The following PRKACB variants were observed in gnomAD, a reference collection of about 807,000 sequenced individuals.
PRKACB encodes cAMP-dependent protein kinase catalytic subunit beta.
PRKACB carries 16 observed loss-of-function variants against 51.4 expected under a neutral mutation model. That is an observed-to-expected ratio of 0.31 (90% CI 0.21 to 0.47). PRKACB has a LOEUF of 0.47. PRKACB is among the 20% of genes least tolerant of loss of function. PRKACB has a pLI of 1.00. For missense variants in PRKACB, 309 were observed against 464.5 expected (o/e 0.67, Z 3.08); for synonymous variants, 147 against 154.4 (o/e 0.95, Z 0.35).
intron 1 of PRKACB, among the ~76,000 whole-genome samples, chr1:84,106,884 A>G (rs990847520): frequency 2.0e-5 from 3 of 152,222 alleles, no homozygotes; most frequent in African/African-American, 7.2e-5. Context: ...CCAAAACAGC[A>G]TAGTACTGGT....
chr1:84,212,400 A>G (rs1672275214), intron 8 of PRKACB, among the ~76,000 whole-genome samples: 1 of 152,158 alleles, frequency 6.6e-6, no homozygotes, highest in Admixed American at 6.6e-5. Context: ...TATGAATTTA[A>G]CTTTACTATA....
chr1:84,135,043 A>C (rs973631964), intron 1 of PRKACB, among the ~76,000 whole-genome samples: 3 of 152,188 alleles, frequency 2.0e-5, no homozygotes, highest in African/African-American at 7.2e-5. Flanking sequence ...TTTAAATATA[A>C]AGAATAGGTA....
At chr1:84,184,255 C>A (rs1164152548) in intron 4 of PRKACB, 120 bp downstream of exon 4, 20 of 775,988 alleles carry the variant, frequency 2.6e-5, no homozygotes, top group Non-Finnish European at 3.6e-5. Flanking sequence ...AAAACGAATA[C>A]CTCTAGAGTT....
intron 8 of PRKACB, among the ~76,000 whole-genome samples, chr1:84,211,975 A>G (rs575543078): frequency 6.6e-6 from 1 of 152,286 alleles, no homozygotes; most frequent in South Asian, 2.1e-4. Flanking sequence ...GCTAATTTAT[A>G]TGAGTTGAGC....
chr1:84,143,179 C>T (rs1653593695), upstream of PRKACB, among the ~76,000 whole-genome samples: 1 of 152,146 alleles, frequency 6.6e-6, no homozygotes, highest in South Asian at 2.1e-4. Context: ...GGCGCGGTGG[C>T]TCACACTTGT....
chr1:84,222,430 T>A (rs1304520887), intron 9 of PRKACB, among the ~76,000 whole-genome samples: 1 of 152,222 alleles, frequency 6.6e-6, no homozygotes, highest in Non-Finnish European at 1.5e-5. Context: ...AAGTTATTAT[T>A]GATAGGTGAG....
chr1:84,115,836 C>T (rs541226036), intron 1 of PRKACB, among the ~76,000 whole-genome samples: 20 of 130,388 alleles, frequency 1.5e-4, no homozygotes, highest in Non-Finnish European at 2.8e-4. Context: ...GAGCCGAGAT[C>T]GTGCCATTGC....
intron 1 of PRKACB, among the ~76,000 whole-genome samples, chr1:84,123,042 G>A (rs781512663): frequency 2.6e-5 from 4 of 152,118 alleles, no homozygotes; most frequent in Non-Finnish European, 4.4e-5. Flanking sequence ...TCATCTAACC[G>A]TTCTGCCATG....
chr1:84,079,784 G>A (rs1406848115), intron 1 of PRKACB, among the ~76,000 whole-genome samples: 1 of 152,130 alleles, frequency 6.6e-6, no homozygotes, highest in African/African-American at 2.4e-5. Flanking sequence ...TCCTGCCTCA[G>A]CCTCCTGAGT....
chr1:84,104,353 T>C (rs1023137227), intron 1 of PRKACB, among the ~76,000 whole-genome samples: 3 of 152,138 alleles, frequency 2.0e-5, no homozygotes, highest in African/African-American at 7.2e-5. Context: ...TTTATATACA[T>C]ATATATACAC....
At chr1:84,198,948 CAT>C (rs1360861121) in intron 7 of PRKACB, among the ~76,000 whole-genome samples, 5 of 144,164 alleles carry the variant, frequency 3.5e-5, no homozygotes, top group East Asian at 2.0e-4. Flanking sequence ...TGTATATATA[CAT>C]ATATATTCAT....
chr1:84,119,150 A>G (rs1374578654), intron 1 of PRKACB, among the ~76,000 whole-genome samples: 1 of 152,102 alleles, frequency 6.6e-6, no homozygotes, highest in Non-Finnish European at 1.5e-5. Flanking sequence ...TACAGTATGA[A>G]TATGATTTTT....
At chr1:84,085,518 A>T (rs566608745) in intron 1 of PRKACB, among the ~76,000 whole-genome samples, 1 of 152,232 alleles carries the variant, frequency 6.6e-6, no homozygotes, top group African/African-American at 2.4e-5. Context: ...AAAAGAAAAA[A>T]TACACAGGAA....
At chr1:84,161,356 A>C (rs934994255) in intron 1 of PRKACB, among the ~76,000 whole-genome samples, 1 of 151,854 alleles carries the variant, frequency 6.6e-6, no homozygotes, top group Non-Finnish European at 1.5e-5. Flanking sequence ...TATATCTATG[A>C]ATCTAAAATG....
intron 1 of PRKACB, chr1:84,086,076 A>G (rs1039788569): frequency 8.2e-7 from 1 of 1,223,622 alleles, no homozygotes; most frequent in Non-Finnish European, 1.2e-6. Context: ...CTGATGGCCA[A>G]GGTGTATATT....
chr1:84,221,376 TA>T (rs1168109309), intron 9 of PRKACB, among the ~76,000 whole-genome samples: 1 of 151,898 alleles, frequency 6.6e-6, no homozygotes. Context: ...CAATTTTGGT[TA>T]TTTTTTTAAA....
rs774450896 is a variant in PRKACB, at chr1:84,179,184, G to A, written c.195G>A (p.Glu65=). ...TTATATGTATATTTTCAGTGAAAGA[G>A]TTTCTAGCCAAAGCCAAAGAAGACT... The part of the protein sequence containing the change: ...HTALWDRSMK[E]FLAKAKEDFL... The change falls in exon 2 of 10, where the codon GAG becomes GAA. Residue 65 remains glutamate, a synonymous_variant. Coordinates refer to ENST00000370685, the MANE Select transcript of PRKACB (RefSeq NM_182948.4). 4 of 1,587,680 alleles carry A rather than the reference G, an allele frequency of 2.5e-6. No homozygotes were observed. The highest frequency in any genetic ancestry group is 3.4e-6 in the Non-Finnish European group (4 of 1,166,090).
chr1:84,111,561 G>T (rs1650229249), intron 1 of PRKACB, among the ~76,000 whole-genome samples: 2 of 151,764 alleles, frequency 1.3e-5, no homozygotes, highest in Middle Eastern at 3.4e-3. Flanking sequence ...TTAACCCAAG[G>T]GTAAAATACT....
At chr1:84,089,773 C>A (rs776239890) in intron 1 of PRKACB, among the ~76,000 whole-genome samples, 2 of 152,130 alleles carry the variant, frequency 1.3e-5, no homozygotes, top group African/African-American at 2.4e-5. Context: ...CAAGAATCAC[C>A]AATGTGTGTG....
Sources: gnomAD v4.1 joint callset for allele counts (sites outside exome capture counted in the v4.1 genomes callset) on GRCh38, gnomAD v4.1.1 for gene constraint, MANE v1.5 for transcripts, NCBI Gene and HGNC (gene_info 2026-07-23, HGNC 2026-07-21) for gene names.